SLC35F4: variants seen among roughly 807,000 people sequenced by gnomAD.
The protein encoded by SLC35F4 is solute carrier family 35 member F4, also known as chromosome 14 open reading frame 36.
A neutral mutation model predicts 44.2 loss-of-function variants in SLC35F4; 24 were observed. The ratio of observed to expected loss-of-function variants is 0.54; its 90% CI spans 0.39 to 0.76. The LOEUF (loss-of-function observed/expected upper bound fraction) is 0.76, where lower values mean the gene tolerates loss of function less well. Among genes scored for constraint, SLC35F4 ranks in the 30% least tolerant of loss-of-function variants. The pLI, the probability that SLC35F4 is intolerant of heterozygous loss-of-function variation, is 0.00. For missense variants in SLC35F4, 562 were observed against 586.1 expected (o/e 0.96, Z 0.42); for synonymous variants, 238 against 223.6 (o/e 1.06, Z -0.57).
chr14:57,822,835 T>A (rs2140914549), intron 1 of SLC35F4, among the ~76,000 whole-genome samples: 1 of 152,296 alleles, frequency 6.6e-6, no homozygotes. Context: ...TTTCTCCTCT[T>A]ATGTCACATT....
At chr14:57,950,787 GCCT>G (rs1167795781) in intron 1 of SLC35F4, among the ~76,000 whole-genome samples, 1 of 149,824 alleles carries the variant, frequency 6.7e-6, no homozygotes, top group Non-Finnish European at 1.5e-5. Flanking sequence ...TCCTCCCTCA[GCCT>G]CCTGAATAGC....
At chr14:57,654,455 G>A (rs1253231093) in intron 1 of SLC35F4, among the ~76,000 whole-genome samples, 1 of 152,120 alleles carries the variant, frequency 6.6e-6, no homozygotes, top group African/African-American at 2.4e-5. Flanking sequence ...GTATTCCACA[G>A]TGTATATATA....
intron 1 of SLC35F4, among the ~76,000 whole-genome samples, chr14:57,760,218 G>A (rs2077092675): frequency 6.6e-6 from 1 of 152,034 alleles, no homozygotes; most frequent in South Asian, 2.1e-4. Flanking sequence ...CATGTTGTAA[G>A]ATTAGGGTCC....
chr14:57,831,217 A>G (rs1178041373), intron 1 of SLC35F4, among the ~76,000 whole-genome samples: 1 of 152,104 alleles, frequency 6.6e-6, no homozygotes, highest in Non-Finnish European at 1.5e-5. Flanking sequence ...CTTCCACAGT[A>G]TCTCTAATAT....
chr14:57,569,742 G>A, intron 6 of SLC35F4, 46 bp downstream of exon 6: 1 of 1,495,494 alleles, frequency 6.7e-7, no homozygotes, highest in Non-Finnish European at 8.9e-7. Flanking sequence ...ACTAGCCAAA[G>A]AAAGATTGAT....
intron 1 of SLC35F4, among the ~76,000 whole-genome samples, chr14:57,664,670 C>G (rs890323808): frequency 3.3e-5 from 5 of 152,258 alleles, no homozygotes; most frequent in African/African-American, 1.2e-4. Flanking sequence ...CTCGGCCTCC[C>G]AAAGTGCTGG....
chr14:57,585,007 A>G lies in SLC35F4; in HGVS notation c.588-3574T>C, dbSNP rs373551750. 2.3e-4 allele frequency among the ~76,000 whole-genome samples: 35 copies of G among 152,354 alleles called. No individual in the cohort carries two copies. In the South Asian group the frequency reaches 7.2e-3, roughly 32 times the overall value. ...CAAGATCATGTCTATTTGGATGGGAATCAAATATAAAATATCTTTAGTAAT... is the reference window on the plus strand; with the variant it reads ...CAAGATCATGTCTATTTGGATGGGAGTCAAATATAAAATATCTTTAGTAAT... On this transcript the variant is annotated intron_variant, in intron 3 of 7. Coordinates refer to ENST00000556826, the MANE Select transcript of SLC35F4 (RefSeq NM_001306087.2).
At chr14:57,666,658 T>C (rs1028488097) in intron 1 of SLC35F4, among the ~76,000 whole-genome samples, 24 of 151,102 alleles carry the variant, frequency 1.6e-4, no homozygotes, top group African/African-American at 5.8e-4. Context: ...TACATGGCAA[T>C]AGAAAACTGA....
At chr14:57,632,224 T>C (rs1269984862) in intron 1 of SLC35F4, among the ~76,000 whole-genome samples, 1 of 152,178 alleles carries the variant, frequency 6.6e-6, no homozygotes, top group Non-Finnish European at 1.5e-5. Context: ...TTTGCAGTTC[T>C]AGCAAAGAGG....
chr14:57,858,820 G>A (rs1887395957), intron 1 of SLC35F4, among the ~76,000 whole-genome samples: 1 of 150,596 alleles, frequency 6.6e-6, no homozygotes, highest in Admixed American at 6.6e-5. Context: ...TTGGGCCAAT[G>A]CAGTAGCTCA....
At chr14:57,882,050 C>T (rs1478485610) in intron 1 of SLC35F4, among the ~76,000 whole-genome samples, 1 of 152,172 alleles carries the variant, frequency 6.6e-6, no homozygotes, top group Non-Finnish European at 1.5e-5. Flanking sequence ...TCATCCAGAC[C>T]TGGGCTAAGT....
chr14:57,595,533 G>T (rs1474877041), intron 1 of SLC35F4, among the ~76,000 whole-genome samples: 1 of 152,088 alleles, frequency 6.6e-6, no homozygotes, highest in Non-Finnish European at 1.5e-5. Flanking sequence ...AGTCGGGGAG[G>T]TCTACATATA....
intron 1 of SLC35F4, among the ~76,000 whole-genome samples, chr14:57,702,101 A>T (rs116797548): frequency 6.6e-6 from 1 of 152,270 alleles, no homozygotes; most frequent in African/African-American, 2.4e-5. Context: ...AGGAAAACAA[A>T]CTTCTGCAAA....
intron 1 of SLC35F4, among the ~76,000 whole-genome samples, chr14:57,635,405 T>C (rs2140142509): frequency 6.6e-6 from 1 of 152,096 alleles, no homozygotes; most frequent in Middle Eastern, 3.4e-3. Context: ...TTCAGATGTG[T>C]TAAGTTTCAG....
chr14:57,794,859 C>T (rs1309174224), intron 1 of SLC35F4, among the ~76,000 whole-genome samples: 8 of 152,056 alleles, frequency 5.3e-5, no homozygotes, highest in Non-Finnish European at 7.4e-5. Context: ...AAAAACTGAC[C>T]TTTTGAGCAT....
At chr14:57,900,596 C>T (rs1158193172) in intron 1 of SLC35F4, among the ~76,000 whole-genome samples, 1 of 152,130 alleles carries the variant, frequency 6.6e-6, no homozygotes, top group Non-Finnish European at 1.5e-5. Flanking sequence ...AAGATAATGA[C>T]AGAGAATGCC....
intron 1 of SLC35F4, among the ~76,000 whole-genome samples, chr14:57,612,020 C>A (rs988611302): frequency 1.2e-4 from 18 of 152,192 alleles, no homozygotes; most frequent in African/African-American, 4.1e-4. Context: ...TCAAGTGACA[C>A]AGTGACAATG....
At chr14:57,742,678 A>G (rs927220321) in intron 1 of SLC35F4, among the ~76,000 whole-genome samples, 3 of 152,188 alleles carry the variant, frequency 2.0e-5, no homozygotes, top group Admixed American at 1.3e-4. Flanking sequence ...ACAGAAATTT[A>G]AAAAGGATAT....
At chr14:57,575,766 C>G (rs550527076) in intron 4 of SLC35F4, among the ~76,000 whole-genome samples, 2 of 152,112 alleles carry the variant, frequency 1.3e-5, no homozygotes, top group African/African-American at 4.8e-5. Context: ...CAGCTCTCTG[C>G]ACTAATTTTC....
Sources: allele counts gnomAD v4.1 joint callset (sites outside exome capture counted in the v4.1 genomes callset), GRCh38; gene constraint gnomAD v4.1.1; transcripts MANE v1.5; gene names NCBI Gene and HGNC (gene_info 2026-07-23, HGNC 2026-07-21).